The following CHODL variants were observed in gnomAD, a reference collection of about 807,000 sequenced individuals.
The protein encoded by CHODL is transmembrane protein MT75.
Under a neutral mutation model 34.5 loss-of-function variants are expected in CHODL, and 29 were observed. The observed-to-expected ratio is 0.84, with a 90% CI of 0.63 to 1.15. CHODL has a LOEUF of 1.15. CHODL is among the 50% of genes most tolerant of loss of function. The pLI, the probability that CHODL is intolerant of heterozygous loss-of-function variation, is 0.00. For missense variants in CHODL, 332 were observed against 332.5 expected (o/e 1.00, Z 0.01); for synonymous variants, 125 against 116.1 (o/e 1.08, Z -0.49).
chr21:17,939,497 CAAT>C (rs558449159), intron 1 of CHODL, among the ~76,000 whole-genome samples: 39 of 152,210 alleles, frequency 2.6e-4, no homozygotes, highest in Middle Eastern at 3.4e-3. Context: ...ACATTAAAAA[CAAT>C]AAAGTAATTC....
At chr21:18,047,188 T>C (rs1286196066) in intron 2 of CHODL, among the ~76,000 whole-genome samples, 1 of 151,976 alleles carries the variant, frequency 6.6e-6, no homozygotes, top group Non-Finnish European at 1.5e-5. Flanking sequence ...ATTTAATTAT[T>C]ATGACTCTGG....
chr21:18,199,491 A>T (rs186708423), intron 2 of CHODL, among the ~76,000 whole-genome samples: 1 of 152,196 alleles, frequency 6.6e-6, no homozygotes, highest in African/African-American at 2.4e-5. Context: ...TATGAACTAA[A>T]ATCCATAGCT....
intron 2 of CHODL, among the ~76,000 whole-genome samples, chr21:18,029,628 A>G (rs1322592307): frequency 6.6e-6 from 1 of 152,062 alleles, no homozygotes; most frequent in Non-Finnish European, 1.5e-5. Context: ...ATTTCTAGTC[A>G]TCTAGAATCT....
At chr21:18,053,538 A>T (rs2064541770) in intron 2 of CHODL, among the ~76,000 whole-genome samples, 1 of 151,976 alleles carries the variant, frequency 6.6e-6, no homozygotes, top group Non-Finnish European at 1.5e-5. Flanking sequence ...TATTTTAGAA[A>T]TGGAACCTCC....
intron 2 of CHODL, among the ~76,000 whole-genome samples, chr21:18,166,046 G>A (rs369285198): frequency 2.8e-4 from 43 of 152,258 alleles, no homozygotes; most frequent in African/African-American, 8.2e-4. Context: ...TCAGGGTTTC[G>A]TAAAGCTGGA....
At chr21:18,216,177 T>A (rs528185075) in intron 2 of CHODL, among the ~76,000 whole-genome samples, 2 of 152,292 alleles carry the variant, frequency 1.3e-5, no homozygotes, top group East Asian at 3.9e-4. Flanking sequence ...TACATATTTA[T>A]GGGGTACGTG....
chr21:18,051,684 G>T lies in CHODL; in HGVS notation c.-45+23713G>T, dbSNP rs180906658. Among the ~76,000 whole-genome samples, 1,403 of 151,956 alleles carry T rather than the reference G, an allele frequency of 9.2e-3. 14 individuals carry two copies. Among genetic ancestry groups the T allele is most frequent in the Non-Finnish European group, 0.016 (1,074 of 67,894 alleles). ...TTGGCAGGAATTTTAAGAAATGTTT[G>T]GTTCCTCTGGCTTTAGTAATTTAGT... On this transcript the variant is annotated intron_variant, in intron 2 of 6. Coordinates refer to the CHODL transcript ENST00000400127.
chr21:18,157,101 T>A (rs1046892766), intron 2 of CHODL, among the ~76,000 whole-genome samples: 9 of 152,218 alleles, frequency 5.9e-5, no homozygotes, highest in African/African-American at 2.2e-4. Flanking sequence ...TCACCCCTTC[T>A]GTTGATTACA....
intron 5 of CHODL, among the ~76,000 whole-genome samples, chr21:18,263,215 A>T (rs1186235973): frequency 6.6e-6 from 1 of 152,166 alleles, no homozygotes; most frequent in Non-Finnish European, 1.5e-5. Flanking sequence ...AACTTCCAAC[A>T]TATGCACTAT....
intron 2 of CHODL, among the ~76,000 whole-genome samples, chr21:18,170,898 T>C (rs1401026847): frequency 6.6e-6 from 1 of 152,084 alleles, no homozygotes; most frequent in Non-Finnish European, 1.5e-5. Flanking sequence ...AGTTATTGTT[T>C]AGCATCCTTT....
At chr21:18,069,984 TTTCCCTTCCCTTCCCTTCCC>T (rs755537479) in intron 2 of CHODL, among the ~76,000 whole-genome samples, 4 of 44,136 alleles carry the variant, frequency 9.1e-5, no homozygotes, top group East Asian at 1.1e-3. Flanking sequence ...CCTCCTTTTC[TTTCCCTTCCCTTCCCTTCCC>T]TTCCCTTCCC....
At chr21:18,121,724 G>A (rs901825957) in intron 2 of CHODL, among the ~76,000 whole-genome samples, 17 of 152,018 alleles carry the variant, frequency 1.1e-4, no homozygotes, top group Admixed American at 5.2e-4. Flanking sequence ...CTTTTTTCTT[G>A]TAGAGCCAGT....
chr21:18,246,123 C>A (rs1176385662), intron 1 of CHODL, among the ~76,000 whole-genome samples: 1 of 152,070 alleles, frequency 6.6e-6, no homozygotes, highest in Non-Finnish European at 1.5e-5. Context: ...CTTTTTGGGA[C>A]GGTCTCTTCA....
chr21:17,936,482 T>A (rs2063320257), intron 1 of CHODL, among the ~76,000 whole-genome samples: 1 of 149,072 alleles, frequency 6.7e-6, no homozygotes, highest in Non-Finnish European at 1.5e-5. Context: ...AAAAAAAGAA[T>A]CATCAGAAAG....
At chr21:18,085,693 G>A (rs570833662) in intron 2 of CHODL, among the ~76,000 whole-genome samples, 1 of 152,224 alleles carries the variant, frequency 6.6e-6, no homozygotes, top group East Asian at 1.9e-4. Flanking sequence ...TTCTCTTCTA[G>A]CCTGGAGGTT....
At chr21:18,083,303 C>A (rs146641124) in intron 2 of CHODL, among the ~76,000 whole-genome samples, 13 of 152,314 alleles carry the variant, frequency 8.5e-5, no homozygotes, top group African/African-American at 3.1e-4. Context: ...AGAGGATGTA[C>A]GGAAAAGCCT....
chr21:18,081,258 T>C (rs549624617), intron 2 of CHODL, among the ~76,000 whole-genome samples: 1 of 152,306 alleles, frequency 6.6e-6, no homozygotes, highest in South Asian at 2.1e-4. Context: ...TTACTAGATA[T>C]AAGATCATAT....
chr21:17,958,248 T>C (rs1327460768), intron 1 of CHODL, among the ~76,000 whole-genome samples: 1 of 152,198 alleles, frequency 6.6e-6, no homozygotes, highest in Non-Finnish European at 1.5e-5. Context: ...TTTATTCTTT[T>C]CTCCAAATGA....
chr21:17,962,232 C>G (rs1281987851), intron 1 of CHODL, among the ~76,000 whole-genome samples: 1 of 152,158 alleles, frequency 6.6e-6, no homozygotes, highest in African/African-American at 2.4e-5. Flanking sequence ...TAAACTTATC[C>G]TAAAAGCTCT....
Sources: allele counts gnomAD v4.1 joint callset (sites outside exome capture counted in the v4.1 genomes callset), GRCh38; gene constraint gnomAD v4.1.1; transcripts MANE v1.5; gene names NCBI Gene and HGNC (gene_info 2026-07-23, HGNC 2026-07-21).